Variants in KHDC1 observed in about 807,000 individuals in gnomAD.
The protein encoded by KHDC1 is KH domain containing 1, also known as KH homology domain-containing protein 1.
Under a neutral mutation model 24.7 loss-of-function variants are expected in KHDC1, and 21 were observed. The observed-to-expected ratio is 0.85, with a 90% CI of 0.60 to 1.23. KHDC1 has a LOEUF of 1.23. Ranked by LOEUF, KHDC1 falls within the 50% of genes most tolerant of loss-of-function variation. KHDC1 has a pLI of 0.00. For synonymous variants in KHDC1, 98 were observed against 111.7 expected (o/e 0.88, Z 0.77); for missense variants, 274 against 298.5 (o/e 0.92, Z 0.61).
At chr6:73,286,202 C>T (rs1767519493) in intron 2 of KHDC1, among the ~76,000 whole-genome samples, 1 of 152,072 alleles carries the variant, frequency 6.6e-6, no homozygotes, top group South Asian at 2.1e-4. Context: ...TTGCTTGGTC[C>T]TAAATGGATT....
exon 4 of KHDC1, chr6:73,242,109 G>T: frequency 6.2e-7 from 1 of 1,614,176 alleles, no homozygotes; most frequent in Non-Finnish European, 8.5e-7. Context: ...ATGTGCAGCA[G>T]CCACTGCCTT....
At chr6:73,302,550 G>A (rs998368913) in intron 1 of KHDC1, among the ~76,000 whole-genome samples, 1 of 152,108 alleles carries the variant, frequency 6.6e-6, no homozygotes, top group Non-Finnish European at 1.5e-5. Context: ...GTAATACAAT[G>A]GGTAGTACTG....
intron 2 of KHDC1, among the ~76,000 whole-genome samples, chr6:73,277,380 G>T (rs1182452136): frequency 6.6e-6 from 1 of 151,904 alleles, no homozygotes. Flanking sequence ...CAGGAGAATC[G>T]CCTGAACCCA....
intron 2 of KHDC1, among the ~76,000 whole-genome samples, chr6:73,271,487 G>A (rs148264231): frequency 0.042 from 6,383 of 151,844 alleles, 147 homozygotes; most frequent in Middle Eastern, 0.072. Context: ...GATTACAGGC[G>A]TAATCCACCG....
chr6:73,242,663 A>G (rs12197094), intron 2 of KHDC1, 133 bp from the exon 2 acceptor site: 76,890 of 993,410 alleles, frequency 0.077, 3,282 homozygotes, highest in African/African-American at 0.095. Flanking sequence ...GTGGGTGTAC[A>G]ATCCCGGTAT....
intron 2 of KHDC1, among the ~76,000 whole-genome samples, chr6:73,291,682 A>G (rs1021145406): frequency 2.6e-5 from 4 of 151,974 alleles, no homozygotes; most frequent in African/African-American, 9.7e-5. Context: ...AAAGGGTCCC[A>G]AGATCAGGAC....
chr6:73,280,665 C>A (rs183862362), intron 2 of KHDC1, among the ~76,000 whole-genome samples: 6 of 151,894 alleles, frequency 4.0e-5, no homozygotes, highest in African/African-American at 1.4e-4. Context: ...GGATTACAGG[C>A]ATGCACCACC....
intron 2 of KHDC1, among the ~76,000 whole-genome samples, chr6:73,289,389 C>T (rs950897798): frequency 8.1e-5 from 12 of 147,544 alleles, no homozygotes; most frequent in Admixed American, 2.1e-4. Flanking sequence ...TACAGTGGCT[C>T]CTGTAATCCC....
intron 2 of KHDC1, among the ~76,000 whole-genome samples, chr6:73,254,132 G>A (rs1044991133): frequency 6.6e-6 from 1 of 151,996 alleles, no homozygotes; most frequent in Non-Finnish European, 1.5e-5. Context: ...GAGGGCATTC[G>A]TAAGAATGAA....
At chr6:73,283,936 C>A (rs1201407883) in intron 2 of KHDC1, among the ~76,000 whole-genome samples, 1 of 152,020 alleles carries the variant, frequency 6.6e-6, no homozygotes, top group Admixed American at 6.6e-5. Context: ...CTCTCCAGCA[C>A]ATTGAAACCA....
At chr6:73,296,522 A>C (rs1767763174) in intron 1 of KHDC1, among the ~76,000 whole-genome samples, 1 of 152,240 alleles carries the variant, frequency 6.6e-6, no homozygotes, top group Non-Finnish European at 1.5e-5. Flanking sequence ...AACACTGAAA[A>C]TGAGATGAAT....
chr6:73,309,749 T>C, exon 1 of KHDC1: 6 of 1,548,316 alleles, frequency 3.9e-6, no homozygotes, highest in Non-Finnish European at 5.2e-6. Flanking sequence ...AAGGGTGCGC[T>C]AAGGCACGAG....
At chr6:73,252,040 C>CTTT (rs112248383) in intron 2 of KHDC1, among the ~76,000 whole-genome samples, 4 of 132,740 alleles carry the variant, frequency 3.0e-5, no homozygotes, top group Admixed American at 7.6e-5. Flanking sequence ...TAAATCATAT[C>CTTT]TTTTTTTTTT....
intron 2 of KHDC1, chr6:73,290,996 C>G: frequency 2.8e-6 from 1 of 359,946 alleles, no homozygotes; most frequent in East Asian, 7.1e-5. Context: ...TGCCTGATCT[C>G]TACTTCTATA....
At chr6:73,249,404 C>A (rs1766737408) in intron 2 of KHDC1, among the ~76,000 whole-genome samples, 2 of 152,130 alleles carry the variant, frequency 1.3e-5, no homozygotes, top group Admixed American at 6.5e-5. Flanking sequence ...ATTATTCATG[C>A]ATAATTATGA....
At chr6:73,270,221 G>A (rs1037280608) in intron 2 of KHDC1, 3 of 151,936 alleles carry the variant, frequency 2.0e-5, no homozygotes, top group Non-Finnish European at 4.4e-5. Flanking sequence ...TGTATTTTTG[G>A]TTTTCTGTTC....
intron 2 of KHDC1, chr6:73,263,160 C>T (rs541886371): frequency 0.03 from 29,197 of 987,188 alleles, 467 homozygotes; most frequent in Non-Finnish European, 0.032. Flanking sequence ...GGTCCCGGCT[C>T]GCGCCGCGGC....
chr6:73,279,575 ATTTTT>A (rs560281126), intron 2 of KHDC1, among the ~76,000 whole-genome samples: 4 of 98,310 alleles, frequency 4.1e-5, no homozygotes, highest in Non-Finnish European at 6.0e-5. Context: ...GGGACCATGG[ATTTTT>A]TTTTTTTTTT....
intron 2 of KHDC1, among the ~76,000 whole-genome samples, chr6:73,271,123 C>G (rs1334862530): frequency 6.6e-6 from 1 of 152,052 alleles, no homozygotes; most frequent in East Asian, 1.9e-4. Flanking sequence ...CAATCAATAC[C>G]CTTTATAATA....
Sources: allele counts gnomAD v4.1 joint callset (sites outside exome capture counted in the v4.1 genomes callset), GRCh38; gene constraint gnomAD v4.1.1; transcripts MANE v1.5; gene names NCBI Gene and HGNC (gene_info 2026-07-23, HGNC 2026-07-21).